Variants in ADGB observed in about 807,000 individuals in gnomAD.
The protein encoded by ADGB is calpain-7-like protein.
Under a neutral mutation model 210.5 loss-of-function variants are expected in ADGB, and 172 were observed. The observed-to-expected ratio is 0.82, with a 90% CI of 0.72 to 0.93. The LOEUF is 0.93. Ranked by LOEUF, ADGB falls within the 40% of genes least tolerant of loss-of-function variation. ADGB has a pLI of 0.00. For missense variants in ADGB, 2,025 were observed against 1,964.8 expected, an observed-to-expected ratio of 1.03 and a Z score of -0.58; for synonymous variants, 658 against 662.7, an observed-to-expected ratio of 0.99 and a Z score of 0.11.
At chr6:146,701,128 T>C in intron 13 of ADGB, 58 bp downstream of exon 13, 12 of 1,527,464 alleles carry the variant, frequency 7.9e-6, no homozygotes, top group Admixed American at 2.1e-5. Context: ...TTTTTTTCCT[T>C]ACATTGTGAA....
intron 14 of ADGB, 30 bp from the exon 15 acceptor site, chr6:146,716,853 T>C (rs1436638837): frequency 1.3e-6 from 2 of 1,506,424 alleles, no homozygotes; most frequent in East Asian, 5.0e-5. Context: ...TTTAACAATA[T>C]AAGATGTGTT....
At chr6:146,746,183 C>A in intron 26 of ADGB, 74 bp downstream of exon 26, 1 of 1,089,044 alleles carries the variant, frequency 9.2e-7, no homozygotes, top group Non-Finnish European at 1.3e-6. Context: ...ATAAATTCTG[C>A]AGTAAAATCC....
intron 34 of ADGB, among the ~76,000 whole-genome samples, chr6:146,801,615 A>T (rs1257533181): frequency 2.0e-5 from 3 of 152,240 alleles, no homozygotes. Flanking sequence ...ATTCACTGAT[A>T]TTCTCCAAAA....
At chr6:146,706,845 GT>G (rs34520729) in intron 13 of ADGB, among the ~76,000 whole-genome samples, 22,869 of 100,798 alleles carry the variant, frequency 0.23, 2,077 homozygotes, top group Non-Finnish European at 0.29. Flanking sequence ...TCAGCTTAGT[GT>G]TTTTTTTTTT....
Position 146,788,452 on chromosome 6 carries a change from A to C in ADGB, c.4379A>C (p.Lys1460Thr), listed in dbSNP as rs1442042909. Reference protein sequence around the residue: ...NSKNSAGSESKEMTQTGSGSA... With the variant: ...NSKNSAGSESTEMTQTGSGSA... ...AAGAATTCTGCAGGTTCAGAGAGCA[A>C]AGAGATGACACAAACAGGATCAGGG... Residue 1460 changes from lysine (K) to threonine (T), a missense_variant, in exon 33 of 36, where the codon AAA (lysine) becomes ACA (threonine). Coordinates refer to ENST00000397944, the MANE Select transcript of ADGB (RefSeq NM_024694.4). 8 of 1,551,620 alleles carry C rather than the reference A, an allele frequency of 5.2e-6. No homozygotes were observed. Among genetic ancestry groups the C allele is most frequent in the Non-Finnish European group, 7.0e-6 (8 of 1,146,926 alleles).
chr6:146,811,064 A>T (rs1778296044), intron 35 of ADGB, among the ~76,000 whole-genome samples: 1 of 152,196 alleles, frequency 6.6e-6, no homozygotes, highest in African/African-American at 2.4e-5. Context: ...TGTATATGTA[A>T]TGTTACTTAA....
intron 13 of ADGB, 83 bp from the exon 14 acceptor site, chr6:146,715,299 A>G (rs1454311396): frequency 3.5e-6 from 4 of 1,145,844 alleles, no homozygotes; most frequent in Admixed American, 5.4e-5. Flanking sequence ...TAAAAAAACT[A>G]TATTAGCTCT....
chr6:146,654,751 A>G (rs1378311429), intron 4 of ADGB, among the ~76,000 whole-genome samples: 3 of 152,112 alleles, frequency 2.0e-5, no homozygotes, highest in Non-Finnish European at 4.4e-5. Context: ...CAACTCAGTT[A>G]TTATTGTGTC....
chr6:146,639,387 G>A (rs1013118609), intron 2 of ADGB: 2 of 151,926 alleles, frequency 1.3e-5, no homozygotes, highest in African/African-American at 4.8e-5. Context: ...AAAATAAAAA[G>A]AGCCATCTAT....
intron 1 of ADGB, among the ~76,000 whole-genome samples, chr6:146,615,495 T>A (rs536655500): frequency 6.6e-6 from 1 of 152,354 alleles, no homozygotes; most frequent in East Asian, 1.9e-4. Flanking sequence ...TATTGTTAAA[T>A]ATAGTCACTC....
In ADGB at chr6:146,741,282, A is replaced by G. The variant is rs1777160980; in HGVS notation, c.3177+11A>G. ...TATACCAAGAATAAGGTAGGTATAA[A>G]ATTTATTCTCCACATATGATAGAAT... On this transcript the variant is annotated intron_variant, in intron 25 of 35. Coordinates refer to ENST00000397944, the MANE Select transcript of ADGB (RefSeq NM_024694.4). 1 of 1,550,264 alleles carries G rather than the reference A, an allele frequency of 6.5e-7. No homozygotes were observed. Among genetic ancestry groups the G allele is most frequent in the Non-Finnish European group, 8.7e-7 (1 of 1,146,212 alleles).
At chr6:146,658,720 C>T (rs1775816950) in intron 5 of ADGB, among the ~76,000 whole-genome samples, 1 of 152,302 alleles carries the variant, frequency 6.6e-6, no homozygotes, top group East Asian at 1.9e-4. Flanking sequence ...CCACTTGATT[C>T]AGAAATTTGT....
At chr6:146,745,786 G>C (rs2114604133) in intron 25 of ADGB, 136 bp from the exon 26 acceptor site, 2 of 594,916 alleles carry the variant, frequency 3.4e-6, no homozygotes, top group Admixed American at 7.0e-5. Context: ...TAATCCTAGT[G>C]ATTCTATGTT....
At chr6:146,752,223 G>T (rs946036821) in intron 26 of ADGB, among the ~76,000 whole-genome samples, 2 of 152,018 alleles carry the variant, frequency 1.3e-5, no homozygotes, top group African/African-American at 4.8e-5. Context: ...TGGGGAGCAG[G>T]TACATCACAT....
chr6:146,620,803 G>T (rs879166773), intron 1 of ADGB, among the ~76,000 whole-genome samples: 3 of 151,852 alleles, frequency 2.0e-5, no homozygotes, highest in Admixed American at 2.0e-4. Context: ...AAATCTTCTG[G>T]GTCAATTACT....
At chr6:146,701,559 G>A (rs1393278370) in intron 13 of ADGB, among the ~76,000 whole-genome samples, 2 of 151,758 alleles carry the variant, frequency 1.3e-5, no homozygotes, top group Non-Finnish European at 1.5e-5. Flanking sequence ...TGTAAGCAAC[G>A]GTACCATGAT....
Position 146,701,038 on chromosome 6 carries a change from G to T in ADGB, c.1675G>T (p.Asp559Tyr). ...TGAAACTGCAACACATAGCCAGACA[G>T]ACTTGAGTCAAATAACAAAAGCTAC... Reference protein sequence around the residue: ...TDETATHSQTDLSQITKATSQ... With the variant: ...TDETATHSQTYLSQITKATSQ... Residue 559 changes from aspartate (D) to tyrosine (Y), a missense_variant, in exon 13 of 36, where the codon GAC (aspartate) becomes TAC (tyrosine). Transcript: ENST00000397944. 1 of 1,550,846 alleles carries T rather than the reference G, an allele frequency of 6.4e-7. No individual in the cohort carries two copies. The highest frequency in any genetic ancestry group is 8.7e-7 in the Non-Finnish European group (1 of 1,146,430).
intron 10 of ADGB, among the ~76,000 whole-genome samples, chr6:146,687,596 A>G (rs1776249749): frequency 6.6e-6 from 1 of 152,058 alleles, no homozygotes. Flanking sequence ...TTGAACACTG[A>G]GAACACATGG....
At chr6:146,695,034 T>C (rs1035185221) in intron 12 of ADGB, among the ~76,000 whole-genome samples, 3 of 152,196 alleles carry the variant, frequency 2.0e-5, no homozygotes, top group African/African-American at 7.2e-5. Flanking sequence ...AAGTAGAGCA[T>C]ACTCAAAGCC....
Sources: gnomAD v4.1 joint callset for allele counts (sites outside exome capture counted in the v4.1 genomes callset) on GRCh38, gnomAD v4.1.1 for gene constraint, MANE v1.5 for transcripts, NCBI Gene and HGNC (gene_info 2026-07-23, HGNC 2026-07-21) for gene names.